The following CDHR5 variants were observed in gnomAD, a reference collection of about 807,000 sequenced individuals.
CDHR5 encodes the protein cadherin related family member 5, also known as cadherin-related family member 5.
Under a neutral mutation model 69.5 loss-of-function variants are expected in CDHR5, and 82 were observed. That is an observed-to-expected ratio of 1.18 (90% confidence interval 0.99 to 1.42). The LOEUF is 1.42. CDHR5 is among the 40% of genes most tolerant of loss of function. The probability of loss-of-function intolerance (pLI) is 0.00; values close to 1 mark genes in which losing one functional copy is unlikely to be tolerated. For synonymous variants in CDHR5, 601 were observed against 510.2 expected, an observed-to-expected ratio of 1.18 and a Z score of -2.40; for missense variants, 1,293 against 1,168.9, an observed-to-expected ratio of 1.11 and a Z score of -1.55.
In CDHR5 at chr11:616,951, CGGGAG is replaced by C; in HGVS notation, c.*395_*399del. 9.2e-6 allele frequency: 2 copies of C among 216,532 alleles called. No individual in the cohort carries two copies. Among genetic ancestry groups the C allele is most frequent in the Non-Finnish European group, 9.3e-6 (1 of 107,552 alleles). 13.4% of individuals were successfully genotyped at this position (216,532 alleles called of 1,614,324 possible). A position where few individuals can be genotyped will look rare whatever the true frequency, so the allele number is the denominator to read the frequency against. On this transcript the variant is annotated 3_prime_UTR_variant, in exon 15 of 15. Transcript: ENST00000397542. ...TCCCCAGGCAATCTCTGTGTAGGGT[CGGGAG>C]CGGGAGGTCTGAGATGAGCCGGGTG... is the stretch of plus-strand genomic sequence containing the variant.
At chr11:620,024 C>T in intron 9 of CDHR5, 43 bp downstream of exon 9, 1 of 1,451,324 alleles carries the variant, frequency 6.9e-7, no homozygotes, top group Non-Finnish European at 9.4e-7. Flanking sequence ...TACCTTCCAC[C>T]CTTCCCCCTC....
At position 617,644 on chromosome 11, in the gene CDHR5, G is replaced by C. The variant is rs1371905105; in HGVS notation, c.2245C>G (p.Pro749Ala). 8.3e-6 allele frequency: 13 copies of C among 1,557,200 alleles called. No individual in the cohort carries two copies. The highest frequency in any genetic ancestry group is 1.0e-5 in the Non-Finnish European group (12 of 1,154,126). The part of the protein sequence containing the change: ...AEAPMPAEPA[P>A]PGPASPGGAP... Reference sequence around the variant, plus strand: ...CCGCCTGGGGAGGCAGGGCCGGGGGGTGCGGGCTCTGCGGGCATCGGTGCC... The same window carrying C: ...CCGCCTGGGGAGGCAGGGCCGGGGGCTGCGGGCTCTGCGGGCATCGGTGCC... Residue 749 changes from proline (P) to alanine (A), a missense_variant, in exon 15 of 15, where the codon CCC becomes GCC. Transcript: ENST00000397542.
rs1169184554 is a variant in CDHR5, at chr11:618,947, C to T, written c.1612G>A (p.Asp538Asn). Residue 538 changes from aspartate (D) to asparagine (N), a missense_variant, in exon 13 of 15, where the codon GAC becomes AAC. Asp to Asn is a conservative substitution (Grantham distance 23). Coordinates refer to ENST00000397542, the MANE Select transcript of CDHR5 (RefSeq NM_021924.5). ...TSHQPATPGG[D>N]TAQTPKPGTS... The stretch of plus-strand genomic sequence containing the variant: ...CCTGGCTTTGGGGTCTGTGCTGTGT[C>T]CCCACCGGGAGTGGCTGGTTGGTGG... 1 of 1,612,570 alleles carries T rather than the reference C, an allele frequency of 6.2e-7. No homozygotes were observed. The highest frequency in any genetic ancestry group is 8.5e-7 in the Non-Finnish European group (1 of 1,179,090).
In CDHR5 at chr11:621,301, G is replaced by A; in HGVS notation, c.618+44C>T. ...AGGCCTGGGAGCAGCTGGGGCCGGGGGGCCTCAAGTGTGTGGGACTCGGGG... is the reference window on the plus strand; with the variant it reads ...AGGCCTGGGAGCAGCTGGGGCCGGGAGGCCTCAAGTGTGTGGGACTCGGGG... On this transcript the variant is annotated intron_variant, in intron 6 of 14. Transcript: ENST00000397542. This position sits in a 1 kb window ranked among gnomAD's most constrained non-coding sequence, Gnocchi z 4.4. 3 of 1,610,760 alleles carry A rather than the reference G, an allele frequency of 1.9e-6. No homozygotes were observed. Among genetic ancestry groups the A allele is most frequent in the South Asian group, 1.1e-5 (1 of 90,932 alleles).
chr11:621,811 C>T lies in CDHR5; in HGVS notation c.405+1G>A, dbSNP rs1338046789. The stretch of plus-strand genomic sequence containing the variant: ...AGTCCCCGCGGCTTCGCTGGCCTCA[C>T]CTCCTCCACCCTTATCTCCTTGGTC... On this transcript the variant is annotated splice_donor_variant, in intron 4 of 14. Transcript: ENST00000397542. LOFTEE classifies it high-confidence loss of function. The surrounding 1 kb of genome is among the most constrained non-coding windows in gnomAD (Gnocchi z 4.4). The T allele has an allele frequency of 1.9e-6, 3 of 1,612,556 alleles. No homozygotes were observed. Among genetic ancestry groups the T allele is most frequent in the South Asian group, 1.1e-5 (1 of 90,976 alleles).
chr11:619,497 G>T lies in CDHR5; in HGVS notation c.1270C>A (p.Gln424Lys). 1 of 1,613,488 alleles carries T rather than the reference G, an allele frequency of 6.2e-7. No individual in the cohort carries two copies. Among genetic ancestry groups the T allele is most frequent in the Non-Finnish European group, 8.5e-7 (1 of 1,179,578 alleles). ...ACCTCTGCGTAGAAGGCTCCCGCCT[G>T]TGCCAGTGTGGTGGTGGTCAGCACA... ...EVVLTTTTLA[Q>K]AGAFYAEVEA... is the part of the protein sequence containing the mutation. The change falls in exon 11 of 15, where the codon CAG becomes AAG. Residue 424 changes from glutamine (Q) to lysine (K), a missense_variant. Coordinates refer to ENST00000397542, the MANE Select transcript of CDHR5 (RefSeq NM_021924.5).
In CDHR5 at chr11:621,005, C is replaced by A; in HGVS notation, c.789+75G>T. On this transcript the variant is annotated intron_variant, in intron 7 of 14. Transcript: ENST00000397542. This position sits in a 1 kb window ranked among gnomAD's most constrained non-coding sequence, Gnocchi z 4.4. ...CTGACCCCGACCCCGCCCTTCCTCTCCTGATCCTGGCCGTCCCTGTGTCCA... is the reference window on the plus strand; with the variant it reads ...CTGACCCCGACCCCGCCCTTCCTCTACTGATCCTGGCCGTCCCTGTGTCCA... 2 of 906,028 alleles carry A rather than the reference C, an allele frequency of 2.2e-6. No homozygotes were observed. The highest frequency in any genetic ancestry group is 3.2e-6 in the Non-Finnish European group (2 of 630,536). 56.1% of individuals were successfully genotyped at this position (906,028 alleles called of 1,614,324 possible). A position where few individuals can be genotyped will look rare whatever the true frequency, so the allele number is the denominator to read the frequency against.
Position 619,015 on chromosome 11 carries a change from G to A in CDHR5, c.1544C>T (p.Ser515Leu), listed in dbSNP as rs184842479. Reference sequence around the variant, plus strand: ...ACCCGGGGGCCCCCCGGGTGTGGACGAGGTTGGTGGCCTCAGAGTTGTGCC... The same window carrying A: ...ACCCGGGGGCCCCCCGGGTGTGGACAAGGTTGGTGGCCTCAGAGTTGTGCC... ...PSGTTLRPPT[S>L]STPGGPPGAE... Residue 515 changes from serine (S) to leucine (L), a missense_variant, in exon 13 of 15, where the codon TCG becomes TTG. By Grantham distance (145) the Ser-to-Leu change is moderately radical. Transcript: ENST00000397542. 1.4e-5 allele frequency: 22 copies of A among 1,613,206 alleles called. No homozygotes were observed. Among genetic ancestry groups the A allele is most frequent in the Middle Eastern group, 1.6e-4 (1 of 6,078 alleles).
chr11:618,547 A>T (rs1857126045), intron 13 of CDHR5, 52 bp downstream of exon 13: 2 of 1,600,432 alleles, frequency 1.2e-6, no homozygotes, highest in Non-Finnish European at 1.7e-6. Flanking sequence ...AGCGTTTCCC[A>T]TACCAGCCAA....
chr11:622,841 T>C (rs1857498435), intron 3 of CDHR5, among the ~76,000 whole-genome samples: 1 of 152,190 alleles, frequency 6.6e-6, no homozygotes, highest in African/African-American at 2.4e-5. Context: ...GGTCACTTTC[T>C]ACCTCAAATG....
chr11:624,375 G>C lies in CDHR5; in HGVS notation c.262-112C>G, dbSNP rs1487754451. On this transcript the variant is annotated intron_variant, in intron 2 of 14. Transcript: ENST00000397542. The surrounding 1 kb of genome is among the most constrained non-coding windows in gnomAD (Gnocchi z 5.3). ...CCCATCATCAGTGGTCAGTGCTGAG[G>C]GTGTGGGCCCAGGCAGCTTCATCCC... The C allele has an allele frequency of 1.3e-6, 1 of 748,290 alleles. No homozygotes were observed. Among genetic ancestry groups the C allele is most frequent in the Admixed American group, 2.0e-5 (1 of 50,310 alleles). 46.4% of individuals were successfully genotyped at this position (748,290 alleles called of 1,614,324 possible).
At position 616,949 on chromosome 11, in the gene CDHR5, G is replaced by GC; in HGVS notation, c.*401_*402insG. ...CCTCCCCAGGCAATCTCTGTGTAGG[G>GC]TCGGGAGCGGGAGGTCTGAGATGAG... On this transcript the variant is annotated 3_prime_UTR_variant, in exon 15 of 15. Transcript: ENST00000397542. The GC allele has an allele frequency of 4.6e-6, 1 of 217,004 alleles. No homozygotes were observed. Among genetic ancestry groups the GC allele is most frequent in the Non-Finnish European group, 9.3e-6 (1 of 107,762 alleles). 13.4% of individuals were successfully genotyped at this position (217,004 alleles called of 1,614,324 possible).
chr11:619,655 G>T (rs746410587), intron 10 of CDHR5, 26 bp downstream of exon 10: 1 of 1,611,560 alleles, frequency 6.2e-7, no homozygotes, highest in East Asian at 2.2e-5. Context: ...CACCCACAGA[G>T]GGGAGGCCTT....
chr11:624,877 G>C lies in CDHR5; in HGVS notation c.26C>G (p.Pro9Arg), dbSNP rs552692150. Residue 9 changes from proline to arginine, a missense_variant, in exon 1 of 15, where the codon CCT (proline) becomes CGT (arginine). Physicochemically the swap from Pro to Arg is moderately radical, Grantham distance 103. Coordinates refer to ENST00000397542, the MANE Select transcript of CDHR5 (RefSeq NM_021924.5). This position sits in a 1 kb window ranked among gnomAD's most constrained non-coding sequence, Gnocchi z 5.3. Reference sequence around the variant, plus strand: ...GAGCAGCCCGGTGAACAGCAGGGGAGGCCACAGCAGGGCCCAAGACCCCAT... The same window carrying C: ...GAGCAGCCCGGTGAACAGCAGGGGACGCCACAGCAGGGCCCAAGACCCCAT... MGSWALLW[P>R]PLLFTGLLVR... is the part of the protein sequence containing the mutation. 134 of 1,569,236 alleles carry C rather than the reference G, an allele frequency of 8.5e-5. No individual in the cohort carries two copies. In the African/African-American group the frequency reaches 1.8e-3, roughly 21 times the overall value.
chr11:623,521 A>T (rs1857542144), intron 3 of CDHR5, among the ~76,000 whole-genome samples: 1 of 152,002 alleles, frequency 6.6e-6, no homozygotes, highest in Admixed American at 6.6e-5. Flanking sequence ...GCAACAGGGC[A>T]TAGGGTGGTT....
rs760606041 is a variant in CDHR5 at position 624,200 on chromosome 11, G to T, written c.312+13C>A. 36 of 754,646 alleles carry T rather than the reference G, an allele frequency of 4.8e-5. No homozygotes were observed. The highest frequency in any genetic ancestry group is 8.6e-5 in the Non-Finnish European group (35 of 406,186). 46.7% of individuals were successfully genotyped at this position (754,646 alleles called of 1,614,324 possible). The stretch of plus-strand genomic sequence containing the variant: ...TGGCCGGGTGGGGCGGGGAGAGCGG[G>T]GCGGGGACTCACCAATGTGCCTCCG... On this transcript the variant is annotated intron_variant, in intron 3 of 14. Coordinates refer to ENST00000397542, the MANE Select transcript of CDHR5 (RefSeq NM_021924.5). The surrounding 1 kb of genome is among the most constrained non-coding windows in gnomAD (Gnocchi z 5.3).
At chr11:620,196 C>A in intron 8 of CDHR5, 32 bp from the exon 9 acceptor site, 1 of 1,593,242 alleles carries the variant, frequency 6.3e-7, no homozygotes, top group Non-Finnish European at 8.6e-7. Context: ...TCAGCCCCGG[C>A]CCCCTGAGGC....
In CDHR5 at chr11:617,232, G is replaced by T; in HGVS notation, c.*119C>A. ...GAATGGGACCCCCATGGACCCGCGCGCCTGCCCCACGCCATGGCCTGGGTT... is the reference window on the plus strand; with the variant it reads ...GAATGGGACCCCCATGGACCCGCGCTCCTGCCCCACGCCATGGCCTGGGTT... On this transcript the variant is annotated 3_prime_UTR_variant, in exon 15 of 15. Coordinates refer to ENST00000397542, the MANE Select transcript of CDHR5 (RefSeq NM_021924.5). 2 of 767,604 alleles carry T rather than the reference G, an allele frequency of 2.6e-6. No individual in the cohort carries two copies. The highest frequency in any genetic ancestry group is 3.5e-5 in the South Asian group (2 of 56,352). 47.5% of individuals were successfully genotyped at this position (767,604 alleles called of 1,614,324 possible).
In CDHR5 at chr11:621,564, C is replaced by T. The variant is rs374215713; in HGVS notation, c.505G>A (p.Ala169Thr). ...GGGGCAGGGTGGGCGGCACTGACTGCTGTCATTTCCTGGAGGGTGTAGAAC... is the reference window on the plus strand; with the variant it reads ...GGGGCAGGGTGGGCGGCACTGACTGTTGTCATTTCCTGGAGGGTGTAGAAC... Reference protein sequence around the residue: ...ILFYTLQEMTAGASDYFSLVS... With the variant: ...ILFYTLQEMTTGASDYFSLVS... Residue 169 changes from alanine to threonine, a missense_variant and splice_region_variant, in exon 5 of 15, where the codon GCA becomes ACA. Transcript: ENST00000397542. This position sits in a 1 kb window ranked among gnomAD's most constrained non-coding sequence, Gnocchi z 4.4. 1 of 1,612,056 alleles carries T rather than the reference C, an allele frequency of 6.2e-7. No individual in the cohort carries two copies. Among genetic ancestry groups the T allele is most frequent in the Non-Finnish European group, 8.5e-7 (1 of 1,178,210 alleles).
Sources: allele counts gnomAD v4.1 joint callset (sites outside exome capture counted in the v4.1 genomes callset), GRCh38; gene constraint gnomAD v4.1.1; non-coding constraint Gnocchi (gnomAD v3.1); transcripts MANE v1.5; gene names NCBI Gene and HGNC (gene_info 2026-07-23, HGNC 2026-07-21).